FLT1: variants seen among roughly 807,000 people sequenced by gnomAD.
FLT1 encodes vascular endothelial growth factor receptor 1.
A neutral mutation model predicts 156.3 loss-of-function variants in FLT1; 49 were observed. That is an observed-to-expected ratio of 0.31 (90% CI 0.25 to 0.40). FLT1 has a LOEUF of 0.40. Ranked by LOEUF, FLT1 falls within the 10% of genes least tolerant of loss-of-function variation. The pLI, the probability that FLT1 is intolerant of heterozygous loss-of-function variation, is 1.00. For missense variants in FLT1, 1,322 were observed against 1,637.2 expected (o/e 0.81, Z 3.32); for synonymous variants, 594 against 583.8 (o/e 1.02, Z -0.25).
At chr13:28,483,409 A>G (rs1880971041) in intron 1 of FLT1, among the ~76,000 whole-genome samples, 2 of 152,216 alleles carry the variant, frequency 1.3e-5, no homozygotes, top group Admixed American at 1.3e-4. Flanking sequence ...ATTTTTACAT[A>G]GTATATACAC....
intron 15 of FLT1, 113 bp from the exon 16 acceptor site, chr13:28,345,664 C>A: frequency 1.4e-6 from 1 of 727,822 alleles, no homozygotes; most frequent in Non-Finnish European, 2.5e-6. Flanking sequence ...CATAGCGAAC[C>A]CAATCTGCTG....
At chr13:28,319,603 T>G in intron 23 of FLT1, 69 bp from the exon 24 acceptor site, 1 of 856,678 alleles carries the variant, frequency 1.2e-6, no homozygotes, top group Admixed American at 1.9e-5. Flanking sequence ...CGAGTGTCCA[T>G]GGGGTCACCT....
chr13:28,488,628 C>T (rs371775976), intron 1 of FLT1, among the ~76,000 whole-genome samples: 22 of 152,090 alleles, frequency 1.4e-4, no homozygotes, highest in East Asian at 1.4e-3. Flanking sequence ...CAGTGTGGGC[C>T]GGGATGGGGG....
intron 14 of FLT1, chr13:28,368,651 G>T: frequency 2.0e-6 from 2 of 1,011,480 alleles, no homozygotes; most frequent in Non-Finnish European, 3.0e-6. Flanking sequence ...TGGTGACGTT[G>T]ATGTATACAG....
chr13:28,493,967 G>T (rs1296436733), intron 1 of FLT1, among the ~76,000 whole-genome samples: 1 of 152,256 alleles, frequency 6.6e-6, no homozygotes, highest in African/African-American at 2.4e-5. Context: ...TAAGTTAACG[G>T]TATTTGGGCC....
Position 28,424,124 on chromosome 13 carries a change from T to C in FLT1, c.1436+3035A>G, listed in dbSNP as rs146636812. On this transcript the variant is annotated intron_variant, in intron 10 of 29. Transcript: ENST00000282397. ...TGGCTAATTTTTGTATTTTAAGTAG[T>C]GGCGGGGTTTCATTATGTTGCCCAG... is the stretch of plus-strand genomic sequence containing the variant. Among the ~76,000 whole-genome samples the C allele has an allele frequency of 5.8e-3, 883 of 151,770 alleles. 14 individuals are homozygous for C. The highest frequency in any genetic ancestry group is 0.02 in the African/African-American group (841 of 41,418).
chr13:28,306,346 C>A (rs1295103502), intron 29 of FLT1, among the ~76,000 whole-genome samples: 1 of 152,016 alleles, frequency 6.6e-6, no homozygotes, highest in Admixed American at 6.6e-5. Flanking sequence ...GCGGGGGCAT[C>A]CTCTCCCACC....
At chr13:28,320,208 C>G (rs1871386865) in intron 23 of FLT1, among the ~76,000 whole-genome samples, 1 of 152,110 alleles carries the variant, frequency 6.6e-6, no homozygotes, top group African/African-American at 2.4e-5. Flanking sequence ...GGCAGGGAGG[C>G]TGACTCAGAT....
In FLT1 at chr13:28,463,723, TC is replaced by T. The variant is rs1879709462; in HGVS notation, c.388+3179del. Among the ~76,000 whole-genome samples the T allele has an allele frequency of 6.6e-5, 10 of 152,326 alleles. No homozygotes were observed. In the South Asian group the frequency reaches 2.1e-3, roughly 32 times the overall value. Reference sequence around the variant, plus strand: ...GAGTCATCAGAGATAAGTTTTGTGCTCCTGAACTAAAATAAACCTGTCATGG... The same window carrying T: ...GAGTCATCAGAGATAAGTTTTGTGCTCTGAACTAAAATAAACCTGTCATGG... On this transcript the variant is annotated intron_variant, in intron 3 of 29. Transcript: ENST00000282397.
intron 1 of FLT1, among the ~76,000 whole-genome samples, chr13:28,490,681 G>A (rs1282971514): frequency 6.6e-6 from 1 of 152,158 alleles, no homozygotes; most frequent in Non-Finnish European, 1.5e-5. Context: ...AGAATGGACT[G>A]TTCGGTTCTA....
rs773054258 is a variant in FLT1 at position 28,412,216 on chromosome 13, G to C, written c.1437-6322C>G. 4.6e-5 allele frequency among the ~76,000 whole-genome samples: 7 copies of C among 152,248 alleles called. No homozygotes were observed. The East Asian group carries it at 5.8e-4, about 13-fold the overall frequency. On this transcript the variant is annotated intron_variant, in intron 10 of 29. Coordinates refer to ENST00000282397, the MANE Select transcript of FLT1 (RefSeq NM_002019.4). ...ACATTCCTCTGCTACTGTGGGTGTC[G>C]TGTCAAAACATTAGCGATTGTGTGT...
rs540923093 is a variant in FLT1, at chr13:28,347,276, G to A, written c.2249-1725C>T. Among the ~76,000 whole-genome samples the A allele has an allele frequency of 3.3e-5, 5 of 151,626 alleles. 1 individual carries two copies. Among genetic ancestry groups the A allele is most frequent in the South Asian group, 4.2e-4 (2 of 4,792 alleles). On this transcript the variant is annotated intron_variant, in intron 15 of 29. Transcript: ENST00000282397. ...GATGGCACACGCCTGTAATCCTAGC[G>A]CTTTGGGAGGCCGAGACGGGCAGAT...
At chr13:28,454,179 T>A (rs112489489) in intron 3 of FLT1, among the ~76,000 whole-genome samples, 2,744 of 152,242 alleles carry the variant, frequency 0.018, 90 homozygotes, top group African/African-American at 0.063. Context: ...GTTGGTATCA[T>A]CTTTGTACTT....
chr13:28,327,660 G>T, intron 19 of FLT1, 110 bp from the exon 20 acceptor site: 1 of 741,890 alleles, frequency 1.3e-6, no homozygotes. Context: ...TTGTATTAGT[G>T]GGGCGAAGGG....
At chr13:28,433,096 C>T (rs544207504) in intron 6 of FLT1, among the ~76,000 whole-genome samples, 7 of 152,230 alleles carry the variant, frequency 4.6e-5, no homozygotes, top group South Asian at 2.1e-4. Flanking sequence ...GCAATCTGAA[C>T]GACATAACAA....
intron 10 of FLT1, among the ~76,000 whole-genome samples, chr13:28,409,578 G>T (rs7329228): frequency 6.6e-6 from 1 of 151,940 alleles, no homozygotes; most frequent in Non-Finnish European, 1.5e-5. Flanking sequence ...CAAGCAATCT[G>T]CCTGCCTCAG....
At chr13:28,338,177 A>G (rs556090842) in intron 17 of FLT1, among the ~76,000 whole-genome samples, 14 of 152,290 alleles carry the variant, frequency 9.2e-5, no homozygotes, top group African/African-American at 3.4e-4. Context: ...AGAAAAACAA[A>G]AGCCATTTTC....
chr13:28,345,767 A>G (rs1352383847), intron 15 of FLT1: 1 of 494,780 alleles, frequency 2.0e-6, no homozygotes, highest in Non-Finnish European at 3.6e-6. Context: ...ATGAACTCAC[A>G]TAATGAACTC....
At position 28,467,517 on chromosome 13, in the gene FLT1, T is replaced by C. The variant is rs1432136945; in HGVS notation, c.161+4A>G. 17 of 1,578,794 alleles carry C rather than the reference T, an allele frequency of 1.1e-5. No individual in the cohort carries two copies. Among genetic ancestry groups the C allele is most frequent in the Non-Finnish European group, 1.5e-5 (17 of 1,149,976 alleles). On this transcript the variant is annotated splice_donor_region_variant and intron_variant, in intron 2 of 29. Transcript: ENST00000282397. ...ATTATTCCCAAACCAACACAGCCAC[T>C]TACCTGCATTGGAGATGCAGTGTCT...
Sources: allele counts gnomAD v4.1 joint callset (sites outside exome capture counted in the v4.1 genomes callset), GRCh38; gene constraint gnomAD v4.1.1; transcripts MANE v1.5; gene names NCBI Gene and HGNC (gene_info 2026-07-23, HGNC 2026-07-21).